Variants in RARB observed in about 807,000 individuals in gnomAD.
RARB encodes the protein retinoic acid receptor beta.
In RARB, 17 loss-of-function variants were observed where a neutral mutation model predicts 51.9. The observed-to-expected ratio is 0.33, with a 90% confidence interval of 0.22 to 0.49. The LOEUF (loss-of-function observed/expected upper bound fraction) is 0.49. Ranked by LOEUF, RARB falls within the 20% of genes least tolerant of loss-of-function variation. RARB has a pLI of 0.99. For synonymous variants in RARB, 215 were observed against 195.4 expected (o/e 1.10, Z -0.84); for missense variants, 369 against 550.8 (o/e 0.67, Z 3.30).
chr3:24,833,824 G>C (rs980345921), intron 1 of RARB, among the ~76,000 whole-genome samples: 2 of 152,188 alleles, frequency 1.3e-5, no homozygotes, highest in African/African-American at 4.8e-5. Context: ...GTCTGCATTT[G>C]TTCTGATTGG....
rs559604702 is a variant in RARB, at chr3:24,980,285, T to G, written c.-379-79840T>G. Among the ~76,000 whole-genome samples the G allele has an allele frequency of 6.3e-3, 963 of 152,244 alleles. 4 individuals carry two copies. The highest frequency in any genetic ancestry group is 9.3e-3 in the Non-Finnish European group (635 of 68,018). On this transcript the variant is annotated intron_variant, in intron 2 of 11. Transcript: ENST00000383772. ...TTCTCAAGGAGTATCTTTGTGGTGT[T>G]CTCTGTATTTCCTGAATTTGAATGT...
chr3:25,331,479 A>G (rs1704893239), intron 5 of RARB, among the ~76,000 whole-genome samples: 1 of 152,230 alleles, frequency 6.6e-6, no homozygotes, highest in Admixed American at 6.5e-5. Context: ...GAAACCAGTG[A>G]GAACAAAGAC....
chr3:24,887,683 G>T (rs1703290612), intron 2 of RARB, among the ~76,000 whole-genome samples: 1 of 152,088 alleles, frequency 6.6e-6, no homozygotes, highest in Non-Finnish European at 1.5e-5. Context: ...ACAATATTAT[G>T]GTTGACTCTA....
chr3:24,959,983 G>A (rs970594900), intron 2 of RARB, among the ~76,000 whole-genome samples: 28 of 152,222 alleles, frequency 1.8e-4, no homozygotes, highest in African/African-American at 5.5e-4. Flanking sequence ...TTGGGTTCAA[G>A]TCCATCCAAT....
At chr3:24,831,374 G>A (rs369701107) in intron 1 of RARB, among the ~76,000 whole-genome samples, 8 of 152,286 alleles carry the variant, frequency 5.3e-5, no homozygotes, top group African/African-American at 1.9e-4. Flanking sequence ...TAACGTTAAT[G>A]TCCTGGTATT....
At chr3:25,249,981 C>T (rs552101198) in intron 5 of RARB, among the ~76,000 whole-genome samples, 27 of 152,010 alleles carry the variant, frequency 1.8e-4, no homozygotes, top group East Asian at 7.7e-4. Flanking sequence ...GTGGTGGGCT[C>T]GGTGGGTGGG....
At chr3:24,931,804 G>A (rs1482872227) in intron 2 of RARB, among the ~76,000 whole-genome samples, 1 of 152,000 alleles carries the variant, frequency 6.6e-6, no homozygotes, top group Non-Finnish European at 1.5e-5. Context: ...AAACTTGCTA[G>A]CAAATAGTAG....
chr3:25,098,872 A>AC (rs1699348209), intron 3 of RARB, among the ~76,000 whole-genome samples: 2 of 152,168 alleles, frequency 1.3e-5, no homozygotes, highest in African/African-American at 4.8e-5. Flanking sequence ...TCAACCCCTT[A>AC]CCCCTGCAAA....
At chr3:25,491,003 A>C (rs992536906) in intron 2 of RARB, among the ~76,000 whole-genome samples, 1 of 152,154 alleles carries the variant, frequency 6.6e-6, no homozygotes, top group East Asian at 1.9e-4. Context: ...AGAAGAGACA[A>C]AGTAGTCCGC....
chr3:24,831,414 C>A (rs1464604632), intron 1 of RARB, among the ~76,000 whole-genome samples: 1 of 152,240 alleles, frequency 6.6e-6, no homozygotes, highest in African/African-American at 2.4e-5. Flanking sequence ...GACAAAAGCA[C>A]ATCTGAGACG....
At chr3:24,933,246 G>A (rs527491284) in intron 2 of RARB, among the ~76,000 whole-genome samples, 16 of 151,740 alleles carry the variant, frequency 1.1e-4, no homozygotes, top group African/African-American at 3.4e-4. Context: ...ATTGGTTTTC[G>A]ATTTGAGGAA....
intron 5 of RARB, among the ~76,000 whole-genome samples, chr3:25,212,965 C>T (rs749101821): frequency 2.6e-5 from 4 of 152,128 alleles, no homozygotes; most frequent in Middle Eastern, 3.2e-3. Flanking sequence ...CATTGCGGCA[C>T]GTAATGTTCT....
At chr3:25,046,659 T>A (rs2125297537) in intron 2 of RARB, among the ~76,000 whole-genome samples, 1 of 152,204 alleles carries the variant, frequency 6.6e-6, no homozygotes, top group African/African-American at 2.4e-5. Flanking sequence ...TTCACCATGT[T>A]GGTCAGGCTG....
In RARB at chr3:25,580,710, C is replaced by T. The variant is rs778876628; in HGVS notation, c.774C>T (p.Cys258=). The T allele has an allele frequency of 4.4e-6, 7 of 1,603,236 alleles. No homozygotes were observed. The South Asian group carries it at 7.8e-5, about 18-fold the overall frequency. Residue 258 remains cysteine (C), a synonymous_variant, in exon 5 of 8, where the codon TGC becomes TGT. Coordinates refer to ENST00000330688, the MANE Select transcript of RARB (RefSeq NM_000965.5). ...ADQITLLKAA[C]LDILILRICT... is the part of the protein sequence containing the mutation. ...AAATTACCCTGCTGAAGGCCGCCTGCCTGGACATCCTGGTATGTGCCTTTT... is the reference window on the plus strand; with the variant it reads ...AAATTACCCTGCTGAAGGCCGCCTGTCTGGACATCCTGGTATGTGCCTTTT...
intron 2 of RARB, among the ~76,000 whole-genome samples, chr3:24,866,442 G>C (rs1338109087): frequency 6.6e-6 from 1 of 152,062 alleles, no homozygotes; most frequent in Non-Finnish European, 1.5e-5. Context: ...TGTAACACAA[G>C]GCAAGGCACT....
chr3:25,130,988 TATC>T (rs1699942682), intron 3 of RARB, among the ~76,000 whole-genome samples: 1 of 31,996 alleles, frequency 3.1e-5, no homozygotes. Flanking sequence ...TTGATAATAT[TATC>T]AATATTTATT....
chr3:25,435,050 G>A (rs533068112), intron 1 of RARB, among the ~76,000 whole-genome samples: 2 of 152,084 alleles, frequency 1.3e-5, no homozygotes, highest in African/African-American at 4.8e-5. Context: ...TGGAGGAGGA[G>A]AAAAGTCAAA....
chr3:25,271,528 G>A (rs1302833523), intron 5 of RARB, among the ~76,000 whole-genome samples: 2 of 152,136 alleles, frequency 1.3e-5, no homozygotes, highest in African/African-American at 4.8e-5. Flanking sequence ...AGTTGATATT[G>A]GCATACAACT....
At chr3:25,038,155 G>T (rs1245651046) in intron 2 of RARB, among the ~76,000 whole-genome samples, 1 of 152,078 alleles carries the variant, frequency 6.6e-6, no homozygotes, top group Non-Finnish European at 1.5e-5. Context: ...GTAAGTGAAG[G>T]CAAGTCATAT....
Sources: gnomAD v4.1 joint callset for allele counts (sites outside exome capture counted in the v4.1 genomes callset) on GRCh38, gnomAD v4.1.1 for gene constraint, MANE v1.5 for transcripts, NCBI Gene and HGNC (gene_info 2026-07-23, HGNC 2026-07-21) for gene names.